The following ANKRD62 variants were observed in gnomAD, a reference collection of about 807,000 sequenced individuals.
The protein encoded by ANKRD62 is ankyrin repeat domain 62.
Under a neutral mutation model 98.8 loss-of-function variants are expected in ANKRD62, and 61 were observed. That is an observed-to-expected ratio of 0.62 (90% confidence interval 0.50 to 0.76). ANKRD62 has a LOEUF of 0.76. Ranked by LOEUF, ANKRD62 falls within the 30% of genes least tolerant of loss-of-function variation. ANKRD62 has a pLI of 0.00. For synonymous variants in ANKRD62, 341 were observed against 367.9 expected (o/e 0.93, Z 0.84); for missense variants, 933 against 1,082.9 (o/e 0.86, Z 1.94).
At chr18:12,157,616 A>G in the ANKRD62 span, among the ~76,000 whole-genome samples, 1 of 152,128 alleles carries the variant, frequency 6.6e-6, no homozygotes, top group African/African-American at 2.4e-5. Context: ...TCCTAGGGCT[A>G]GTGTGTTCGC....
the ANKRD62 span, among the ~76,000 whole-genome samples, chr18:12,162,914 A>G: frequency 6.6e-6 from 1 of 152,016 alleles, no homozygotes; most frequent in South Asian, 2.1e-4. Flanking sequence ...CTTGGTTATT[A>G]TAGCTCTGTT....
chr18:12,139,458 C>T, the ANKRD62 span, among the ~76,000 whole-genome samples: 2 of 152,038 alleles, frequency 1.3e-5, no homozygotes, highest in African/African-American at 4.8e-5. Context: ...TCCTGGCTAA[C>T]ATGGTGAAAC....
chr18:12,159,666 G>A, the ANKRD62 span, among the ~76,000 whole-genome samples: 4 of 152,310 alleles, frequency 2.6e-5, no homozygotes, highest in Non-Finnish European at 4.4e-5. Flanking sequence ...GCAGAGAAAC[G>A]TGATGAGTAA....
chr18:12,168,043 C>T, the ANKRD62 span, among the ~76,000 whole-genome samples: 1 of 151,970 alleles, frequency 6.6e-6, no homozygotes, highest in East Asian at 1.9e-4. Flanking sequence ...AGCCCTTTGT[C>T]CAATGGGTAG....
the ANKRD62 span, among the ~76,000 whole-genome samples, chr18:12,174,322 T>C: frequency 6.6e-6 from 1 of 152,260 alleles, no homozygotes. Context: ...TATGAAATTC[T>C]TTTAATGTGC....
intron 8 of ANKRD62, among the ~76,000 whole-genome samples, chr18:12,109,075 A>G: frequency 6.6e-6 from 1 of 152,164 alleles, no homozygotes; most frequent in East Asian, 1.9e-4. Flanking sequence ...TGGGGTCTGG[A>G]AGATGGTCAC....
the ANKRD62 span, among the ~76,000 whole-genome samples, chr18:12,151,350 C>T: frequency 1.8e-4 from 27 of 152,136 alleles, no homozygotes; most frequent in Admixed American, 1.4e-3. Context: ...GAGACTTTAA[C>T]GCTCCATTGA....
chr18:12,140,839 T>A, the ANKRD62 span, among the ~76,000 whole-genome samples: 1 of 152,148 alleles, frequency 6.6e-6, no homozygotes, highest in African/African-American at 2.4e-5. Context: ...AGATCTCAAA[T>A]CTCAAGCTGC....
In ANKRD62 at chr18:12,127,966, G is replaced by C; in HGVS notation, c.*27G>C. The C allele has an allele frequency of 1.5e-6, 2 of 1,298,418 alleles. No individual in the cohort carries two copies. The highest frequency in any genetic ancestry group is 2.0e-6 in the Non-Finnish European group (2 of 1,016,176). 80.4% of individuals were successfully genotyped at this position (1,298,418 alleles called of 1,614,324 possible). A position where few individuals can be genotyped will look rare whatever the true frequency, so the allele number is the denominator to read the frequency against. Reference sequence around the variant, plus strand: ...TGGTTAAATAATATCAAGTGTTTCAGGACACTAGTTTCAGTGGAGAGCTTT... The same window carrying C: ...TGGTTAAATAATATCAAGTGTTTCACGACACTAGTTTCAGTGGAGAGCTTT... On this transcript the variant is annotated 3_prime_UTR_variant, in exon 14 of 14. Transcript: ENST00000587848.
At chr18:12,098,807 C>G (rs1909239067) in intron 5 of ANKRD62, among the ~76,000 whole-genome samples, 1 of 152,102 alleles carries the variant, frequency 6.6e-6, no homozygotes, top group Non-Finnish European at 1.5e-5. Context: ...TCTTCCATGT[C>G]AGTTGGGGAT....
At chr18:12,094,753 TG>T (rs2143889767) in intron 1 of ANKRD62, among the ~76,000 whole-genome samples, 1 of 34,732 alleles carries the variant, frequency 2.9e-5, no homozygotes, top group South Asian at 1.9e-3. Context: ...TGGAGTTGGG[TG>T]GGGGTTGGAT....
downstream of ANKRD62, among the ~76,000 whole-genome samples, chr18:12,130,645 C>G (rs1047088226): frequency 6.6e-6 from 1 of 151,352 alleles, no homozygotes; most frequent in African/African-American, 2.4e-5. Context: ...ATGCATATAG[C>G]CTGAAGATAA....
At chr18:12,110,558 C>T (rs1218562976) in intron 8 of ANKRD62, among the ~76,000 whole-genome samples, 5 of 152,152 alleles carry the variant, frequency 3.3e-5, no homozygotes, top group South Asian at 2.1e-4. Flanking sequence ...AGGTCATCCA[C>T]GATAATGCCA....
chr18:12,102,184 G>A (rs1909313996), intron 6 of ANKRD62: 3 of 893,422 alleles, frequency 3.4e-6, no homozygotes, highest in African/African-American at 1.6e-5. Flanking sequence ...GAGGGTTGCA[G>A]CAAGGAGTAG....
chr18:12,157,624 C>G, the ANKRD62 span, among the ~76,000 whole-genome samples: 7 of 152,282 alleles, frequency 4.6e-5, no homozygotes, highest in Middle Eastern at 3.4e-3. Flanking sequence ...CTAGTGTGTT[C>G]GCTTGTGCTC....
the ANKRD62 span, among the ~76,000 whole-genome samples, chr18:12,172,621 G>T: frequency 6.6e-6 from 1 of 152,222 alleles, no homozygotes; most frequent in Non-Finnish European, 1.5e-5. Context: ...TCCGTGCTGG[G>T]AGAACCACTA....
Position 12,125,782 on chromosome 18 carries a change from A to C in ANKRD62, c.1961A>C (p.Glu654Ala), listed in dbSNP as rs1287902553. Residue 654 changes from glutamate to alanine, a missense_variant, in exon 13 of 14, where the codon GAA becomes GCA. Around this residue, in one of 3 missense-constraint regions of ANKRD62, gnomAD observed 362 missense variants for 434.5 expected, o/e 0.83. Transcript: ENST00000587848. Reference protein sequence around the residue: ...QSMSRLETEMESYRCRLAAAL... With the variant: ...QSMSRLETEMASYRCRLAAAL... ...ATGTCAAGACTGGAAACAGAAATGG[A>C]ATCATACCGTTGTAGACTGGCTGCT... The C allele has an allele frequency of 6.5e-7, 1 of 1,549,010 alleles. No homozygotes were observed. Among genetic ancestry groups the C allele is most frequent in the Non-Finnish European group, 8.7e-7 (1 of 1,147,058 alleles).
At chr18:12,132,897 T>C (rs1405214386), downstream of ANKRD62, among the ~76,000 whole-genome samples, 1 of 152,170 alleles carries the variant, frequency 6.6e-6, no homozygotes, top group African/African-American at 2.4e-5. Flanking sequence ...TTGTCAATTC[T>C]TTTTGAAAGT....
chr18:12,159,774 T>C, the ANKRD62 span, among the ~76,000 whole-genome samples: 1 of 152,148 alleles, frequency 6.6e-6, no homozygotes, highest in Non-Finnish European at 1.5e-5. Context: ...TAGTTACTAG[T>C]TTCTCAGAGT....
Sources: allele counts gnomAD v4.1 joint callset (sites outside exome capture counted in the v4.1 genomes callset), GRCh38; gene constraint gnomAD v4.1.1; regional missense constraint gnomAD v4.1.1; transcripts MANE v1.5; gene names NCBI Gene and HGNC (gene_info 2026-07-23, HGNC 2026-07-21).